Variants in OR10AG1 observed in about 807,000 individuals in gnomAD.
OR10AG1 encodes olfactory receptor family 10 subfamily AG member 1.
For missense variants in OR10AG1, 433 were observed against 376.5 expected (o/e 1.15, Z -1.24); for synonymous variants, 147 against 128.6 (o/e 1.14, Z -0.97).
At chr11:55,969,134 C>T (rs984095307) in intron 1 of OR10AG1, among the ~76,000 whole-genome samples, 1 of 152,040 alleles carries the variant, frequency 6.6e-6, no homozygotes, top group Non-Finnish European at 1.5e-5. Flanking sequence ...ACAGTGAATG[C>T]TAAATAGTAA....
Position 55,965,834 on chromosome 11 carries a change from C to T in OR10AG1, c.*1724G>A, listed in dbSNP as rs1441219265. On this transcript the variant is annotated 3_prime_UTR_variant, in exon 2 of 2. Coordinates refer to ENST00000641071, the MANE Select transcript of OR10AG1 (RefSeq NM_001005491.2). ...AAAACAGAAATCTTCTGAATTCTTG[C>T]CAGTATGAAGAAGCCAATATTCTCT... The T allele has an allele frequency of 6.6e-6, 1 of 151,984 alleles. No individual in the cohort carries two copies. Among genetic ancestry groups the T allele is most frequent in the Non-Finnish European group, 1.5e-5 (1 of 67,984 alleles). 9.4% of individuals were successfully genotyped at this position (151,984 alleles called of 1,614,324 possible). A position where few individuals can be genotyped will look rare whatever the true frequency, so the allele number is the denominator to read the frequency against.
rs750889398 is a variant in OR10AG1, at chr11:55,967,573, A to G, written c.951T>C (p.Ala317=). Residue 317 remains alanine (A), a synonymous_variant, in exon 2 of 2, where the codon GCT becomes GCC. Coordinates refer to ENST00000641071, the MANE Select transcript of OR10AG1 (RefSeq NM_001005491.2). Reference sequence around the variant, plus strand: ...AGTCTTCATCTCATGTTAATAACTTAGCTAGTAATTTTCTCAATGCCACCA... The same window carrying G: ...AGTCTTCATCTCATGTTAATAACTTGGCTAGTAATTTTCTCAATGCCACCA... The part of the protein sequence containing the change: ...DIMVALRKLL[A]KLLT 1.0e-5 allele frequency: 16 copies of G among 1,580,534 alleles called. No individual in the cohort carries two copies. The highest frequency in any genetic ancestry group is 1.3e-5 in the Non-Finnish European group (15 of 1,159,006).
At chr11:55,968,782 A>G (rs1852717052) in intron 1 of OR10AG1, among the ~76,000 whole-genome samples, 1 of 152,126 alleles carries the variant, frequency 6.6e-6, no homozygotes, top group African/African-American at 2.4e-5. Context: ...GAGGAATAAC[A>G]TCTTATTATT....
Position 55,968,466 on chromosome 11 carries a change from T to G in OR10AG1, c.58A>C (p.Ile20Leu). 1 of 1,534,552 alleles carries G rather than the reference T, an allele frequency of 6.5e-7. No individual in the cohort carries two copies. Among genetic ancestry groups the G allele is most frequent in the Non-Finnish European group, 8.8e-7 (1 of 1,140,036 alleles). Reference protein sequence around the residue: ...TKREKSNVTTIMEFVLLGFSD... With the variant: ...TKREKSNVTTLMEFVLLGFSD... ...AACCCCAAAAGAACAAATTCCATTA[T>G]TGTAGTCACATTTGATTTTTCTCTT... is the stretch of plus-strand genomic sequence containing the variant. The change falls in exon 2 of 2, where the codon ATA (isoleucine) becomes CTA (leucine). Residue 20 changes from isoleucine (I) to leucine (L), a missense_variant. By Grantham distance (5) the Ile-to-Leu change is conservative. Transcript: ENST00000641071.
Position 55,968,458 on chromosome 11 carries a change from T to C in OR10AG1, c.66A>G (p.Glu22=), listed in dbSNP as rs780191865. The C allele has an allele frequency of 1.9e-6, 3 of 1,550,018 alleles. No individual in the cohort carries two copies. The highest frequency in any genetic ancestry group is 8.7e-7 in the Non-Finnish European group (1 of 1,148,960). The change falls in exon 2 of 2, where the codon GAA becomes GAG. Residue 22 remains glutamate, a synonymous_variant. Transcript: ENST00000641071. The part of the protein sequence containing the change: ...REKSNVTTIM[E]FVLLGFSDIP... Reference sequence around the variant, plus strand: ...TATCAGAAAACCCCAAAAGAACAAATTCCATTATTGTAGTCACATTTGATT... The same window carrying C: ...TATCAGAAAACCCCAAAAGAACAAACTCCATTATTGTAGTCACATTTGATT...
rs760304672 is a variant in OR10AG1 at position 55,968,223 on chromosome 11, C to T, written c.301G>A (p.Gly101Arg). The T allele has an allele frequency of 8.3e-5, 134 of 1,613,898 alleles. No homozygotes were observed. The highest frequency in any genetic ancestry group is 1.1e-4 in the Non-Finnish European group (127 of 1,179,972). ...RMLMDIWTQK[G>R]NISLFACATQ... ...GCACAAGCAAACAAAGAAATATTTC[C>T]TTTCTGAGTCCAAATGTCCATGAGC... Residue 101 changes from glycine to arginine, a missense_variant, in exon 2 of 2, where the codon GGA (glycine) becomes AGA (arginine). By Grantham distance (125) the Gly-to-Arg change is moderately radical. Coordinates refer to ENST00000641071, the MANE Select transcript of OR10AG1 (RefSeq NM_001005491.2).
Position 55,966,200 on chromosome 11 carries a change from T to C in OR10AG1, c.*1358A>G, listed in dbSNP as rs921561446. 4 of 151,470 alleles carry C rather than the reference T, an allele frequency of 2.6e-5. No individual in the cohort carries two copies. The highest frequency in any genetic ancestry group is 6.6e-5 in the Admixed American group (1 of 15,204). 9.4% of individuals were successfully genotyped at this position (151,470 alleles called of 1,614,324 possible). On this transcript the variant is annotated 3_prime_UTR_variant, in exon 2 of 2. Coordinates refer to ENST00000641071, the MANE Select transcript of OR10AG1 (RefSeq NM_001005491.2). Reference sequence around the variant, plus strand: ...AAAAGTTTTTGAAAAAACACGTTTGTAATAACTATTGAAAATATATTACCT... The same window carrying C: ...AAAAGTTTTTGAAAAAACACGTTTGCAATAACTATTGAAAATATATTACCT...
intron 1 of OR10AG1, 54 bp downstream of exon 1, chr11:55,969,838 C>A (rs1206438712): frequency 5.0e-6 from 2 of 398,030 alleles, no homozygotes; most frequent in Non-Finnish European, 8.9e-6. Context: ...TTTCTATCCA[C>A]AAACTTGTAA....
In OR10AG1 at chr11:55,966,906, A is replaced by G. The variant is rs890104684; in HGVS notation, c.*652T>C. The G allele has an allele frequency of 3.9e-5, 6 of 152,116 alleles. No individual in the cohort carries two copies. Among genetic ancestry groups the G allele is most frequent in the Non-Finnish European group, 8.8e-5 (6 of 68,018 alleles). 9.4% of individuals were successfully genotyped at this position (152,116 alleles called of 1,614,324 possible). On this transcript the variant is annotated 3_prime_UTR_variant, in exon 2 of 2. Coordinates refer to ENST00000641071, the MANE Select transcript of OR10AG1 (RefSeq NM_001005491.2). ...TGGAGATTTCTATTTTGAGGGTCCA[A>G]CATTCAACCCAACACACATAGGTAA...
Position 55,968,313 on chromosome 11 carries a change from A to C in OR10AG1, c.211T>G (p.Tyr71Asp). The C allele has an allele frequency of 6.2e-7, 1 of 1,613,704 alleles. No homozygotes were observed. The highest frequency in any genetic ancestry group is 8.5e-7 in the Non-Finnish European group (1 of 1,179,664). ...KIHPALQTPM[Y>D]FFLSNFSLLE... ...AGGGAAAAATTGCTAAGAAAAAAAT[A>C]CATGGGAGTCTGGAGAGCGGGGTGA... is the stretch of plus-strand genomic sequence containing the variant. The change falls in exon 2 of 2, where the codon TAT becomes GAT. Residue 71 changes from tyrosine (Y) to aspartate (D), a missense_variant. Tyr to Asp is a radical substitution (Grantham distance 160). Transcript: ENST00000641071.
Position 55,968,304 on chromosome 11 carries a change from GA to G in OR10AG1, c.219del (p.Ser75AlafsTer11), listed in dbSNP as rs1852711543. 1 of 1,613,444 alleles carries G rather than the reference GA, an allele frequency of 6.2e-7. No homozygotes were observed. The highest frequency in any genetic ancestry group is 8.5e-7 in the Non-Finnish European group (1 of 1,179,582). On this transcript the variant is annotated frameshift_variant, in exon 2 of 2. Transcript: ENST00000641071. LOFTEE classifies it low-confidence loss of function (END_TRUNC). ...HPALQTPMYF[F>X]LSNFSLLEIC... ...ATTTCCAAAAGGGAAAAATTGCTAA[GA>G]AAAAAATACATGGGAGTCTGGAGAG...
chr11:55,968,008 G>C lies in OR10AG1; in HGVS notation c.516C>G (p.Cys172Trp), dbSNP rs777346035. 13 of 1,613,938 alleles carry C rather than the reference G, an allele frequency of 8.1e-6. No individual in the cohort carries two copies. Among genetic ancestry groups the C allele is most frequent in the Non-Finnish European group, 1.1e-5 (13 of 1,179,940 alleles). ...ITIPVVIGET[C>W]QIFLLPFCGT... ...CGCAAAAGGGCAAAAGGAAAATTTG[G>C]CATGTTTCCCCAATTACTACAGGAA... Residue 172 changes from cysteine to tryptophan, a missense_variant, in exon 2 of 2, where the codon TGC becomes TGG. Physicochemically the swap from Cys to Trp is radical, Grantham distance 215. Coordinates refer to ENST00000641071, the MANE Select transcript of OR10AG1 (RefSeq NM_001005491.2).
At position 55,966,851 on chromosome 11, in the gene OR10AG1, C is replaced by A. The variant is rs991644031; in HGVS notation, c.*707G>T. ...ACTATAGCTGAAAGTCTTTGTTTTT[C>A]TAAATAAGATTAAATTTGAAGGTTC... On this transcript the variant is annotated 3_prime_UTR_variant, in exon 2 of 2. Transcript: ENST00000641071. 1 of 151,938 alleles carries A rather than the reference C, an allele frequency of 6.6e-6. No homozygotes were observed. Among genetic ancestry groups the A allele is most frequent in the Non-Finnish European group, 1.5e-5 (1 of 68,002 alleles). 9.4% of individuals were successfully genotyped at this position (151,938 alleles called of 1,614,324 possible). A position where few individuals can be genotyped will look rare whatever the true frequency, so the allele number is the denominator to read the frequency against.
chr11:55,967,365 T>A lies in OR10AG1; in HGVS notation c.*193A>T, dbSNP rs1852696998. ...CAGAATGAGATCTTGGCACCTTAGT[T>A]AAATTGTGCTCCAACTGCACAGTAG... On this transcript the variant is annotated 3_prime_UTR_variant, in exon 2 of 2. Coordinates refer to ENST00000641071, the MANE Select transcript of OR10AG1 (RefSeq NM_001005491.2). The A allele has an allele frequency of 2.1e-6, 1 of 476,410 alleles. No individual in the cohort carries two copies. Among genetic ancestry groups the A allele is most frequent in the Non-Finnish European group, 3.7e-6 (1 of 270,720 alleles). 29.5% of individuals were successfully genotyped at this position (476,410 alleles called of 1,614,324 possible).
At chr11:55,968,871 A>G (rs2134618222) in intron 1 of OR10AG1, among the ~76,000 whole-genome samples, 1 of 152,160 alleles carries the variant, frequency 6.6e-6, no homozygotes, top group African/African-American at 2.4e-5. Flanking sequence ...ATTGGTAGTC[A>G]TATTCCAGTT....
In OR10AG1 at chr11:55,968,181, A is replaced by G. The variant is rs761416762; in HGVS notation, c.343T>C (p.Phe115Leu). 1.2e-6 allele frequency: 2 copies of G among 1,614,078 alleles called. No individual in the cohort carries two copies. Among genetic ancestry groups the G allele is most frequent in the South Asian group, 2.2e-5 (2 of 91,082 alleles). ...CACTCCGTGCCTCCAAGCATAAGAA[A>G]AAAACACATTTGTGTAGCACAAGCA... ...LFACATQMCF[F>L]LMLGGTECLL... is the part of the protein sequence containing the mutation. Residue 115 changes from phenylalanine to leucine, a missense_variant, in exon 2 of 2, where the codon TTT becomes CTT. Coordinates refer to ENST00000641071, the MANE Select transcript of OR10AG1 (RefSeq NM_001005491.2).
rs1852699289 is a variant in OR10AG1, at chr11:55,967,548, A to T, written c.*10T>A. On this transcript the variant is annotated 3_prime_UTR_variant, in exon 2 of 2. Coordinates refer to ENST00000641071, the MANE Select transcript of OR10AG1 (RefSeq NM_001005491.2). ...TAAAGAAATTATTTCTGTAATTTCA[A>T]GTCTTCATCTCATGTTAATAACTTA... 3.4e-6 allele frequency: 5 copies of T among 1,477,224 alleles called. No individual in the cohort carries two copies. Among genetic ancestry groups the T allele is most frequent in the Non-Finnish European group, 4.6e-6 (5 of 1,082,508 alleles). The allele number at this position is 1,477,224 out of a possible 1,614,324, so 91.5% of individuals were successfully genotyped here.
Position 55,968,280 on chromosome 11 carries a change from T to C in OR10AG1, c.244A>G (p.Ile82Val). Residue 82 changes from isoleucine (I) to valine (V), a missense_variant, in exon 2 of 2, where the codon ATC becomes GTC. Ile to Val is a conservative substitution (Grantham distance 29). Transcript: ENST00000641071. ...FFLSNFSLLE[I>V]CYVTIIIPRM... ...GGGATAATGATTGTTACATAACAGATTTCCAAAAGGGAAAAATTGCTAAGA... is the reference window on the plus strand; with the variant it reads ...GGGATAATGATTGTTACATAACAGACTTCCAAAAGGGAAAAATTGCTAAGA... The C allele has an allele frequency of 2.5e-6, 4 of 1,613,786 alleles. No individual in the cohort carries two copies. The highest frequency in any genetic ancestry group is 3.4e-6 in the Non-Finnish European group (4 of 1,179,800).
rs1364322282 is a variant in OR10AG1, at chr11:55,968,115, T to C, written c.409A>G (p.Ile137Val). The change falls in exon 2 of 2, where the codon ATT (isoleucine) becomes GTT (valine). Residue 137 changes from isoleucine to valine, a missense_variant. Ile to Val is a conservative substitution (Grantham distance 29). Coordinates refer to ENST00000641071, the MANE Select transcript of OR10AG1 (RefSeq NM_001005491.2). ...AGAGGATACTGCAAAGGCTTACAAA[T>C]AGCCACGTAGCGGTCATAGGCCATC... Reference protein sequence around the residue: ...TVMAYDRYVAICKPLQYPLVM... With the variant: ...TVMAYDRYVAVCKPLQYPLVM... 2 of 1,613,902 alleles carry C rather than the reference T, an allele frequency of 1.2e-6. No individual in the cohort carries two copies. The highest frequency in any genetic ancestry group is 1.3e-5 in the African/African-American group (1 of 74,940).
Sources: allele counts gnomAD v4.1 joint callset (sites outside exome capture counted in the v4.1 genomes callset), GRCh38; gene constraint gnomAD v4.1.1; transcripts MANE v1.5; gene names NCBI Gene and HGNC (gene_info 2026-07-23, HGNC 2026-07-21).